Variants in MBNL2 observed in about 807,000 individuals in gnomAD.
MBNL2 encodes muscleblind-like protein 2.
A neutral mutation model predicts 41.9 loss-of-function variants in MBNL2; 17 were observed. That is an observed-to-expected ratio of 0.41 (90% CI 0.28 to 0.61). The LOEUF is 0.61. Among genes scored for constraint, MBNL2 ranks in the 20% least tolerant of loss-of-function variants. The probability of loss-of-function intolerance (pLI) is 0.35; values close to 1 mark genes in which losing one functional copy is unlikely to be tolerated. For missense variants in MBNL2, 336 were observed against 505.6 expected (o/e 0.66, Z 3.22); for synonymous variants, 195 against 182.9 (o/e 1.07, Z -0.53).
chr13:97,305,675 G>T (rs544657472), intron 2 of MBNL2, among the ~76,000 whole-genome samples: 2 of 152,190 alleles, frequency 1.3e-5, no homozygotes, highest in Admixed American at 1.3e-4. Flanking sequence ...TGAGGTAGGA[G>T]GATCCATTAC....
chr13:97,279,803 G>T (rs2052987837), intron 2 of MBNL2, among the ~76,000 whole-genome samples: 1 of 152,158 alleles, frequency 6.6e-6, no homozygotes, highest in African/African-American at 2.4e-5. Context: ...TACTAAATTT[G>T]TTGGTGGAAA....
the MBNL2 span, among the ~76,000 whole-genome samples, chr13:97,201,609 A>G: frequency 5.9e-5 from 9 of 151,982 alleles, no homozygotes; most frequent in Admixed American, 5.9e-4. Context: ...ACTTTTATCT[A>G]TTCATTATAA....
chr13:97,277,654 G>C (rs1238351499), intron 2 of MBNL2, among the ~76,000 whole-genome samples: 1 of 152,040 alleles, frequency 6.6e-6, no homozygotes, highest in Non-Finnish European at 1.5e-5. Flanking sequence ...ACTCAAAGCA[G>C]GAAAATGTAT....
At chr13:97,385,924 T>C (rs1279080471) in intron 8 of MBNL2, among the ~76,000 whole-genome samples, 1 of 152,230 alleles carries the variant, frequency 6.6e-6, no homozygotes. Context: ...ACCAAGTGTG[T>C]TTCTCACCCT....
At chr13:97,338,775 T>C (rs1305311458) in intron 3 of MBNL2, among the ~76,000 whole-genome samples, 1 of 152,228 alleles carries the variant, frequency 6.6e-6, no homozygotes, top group Non-Finnish European at 1.5e-5. Context: ...GAGCTGCTTC[T>C]GGCAGTAGAG....
chr13:97,248,202 G>A (rs150238457), intron 1 of MBNL2, among the ~76,000 whole-genome samples: 1,669 of 152,232 alleles, frequency 0.011, 37 homozygotes, highest in African/African-American at 0.037. Flanking sequence ...GTGCGATCTC[G>A]CCTCCACCTC....
intron 2 of MBNL2, among the ~76,000 whole-genome samples, chr13:97,300,982 T>C (rs2057562365): frequency 6.6e-6 from 1 of 152,230 alleles, no homozygotes; most frequent in African/African-American, 2.4e-5. Flanking sequence ...GAAACATCTG[T>C]TGAATTAGCC....
In MBNL2 at chr13:97,369,407, G is replaced by A. The variant is rs561657981; in HGVS notation, c.1048+4236G>A. ...CAAAGGTTCAGTGACTATTATTTTA[G>A]GCCCAAAGCATGAGATTACAAAGAT... is the stretch of plus-strand genomic sequence containing the variant. On this transcript the variant is annotated intron_variant, in intron 8 of 8. Coordinates refer to ENST00000679496, the MANE Select transcript of MBNL2 (RefSeq NM_001382683.1). 2.0e-5 allele frequency among the ~76,000 whole-genome samples: 3 copies of A among 152,192 alleles called. No individual in the cohort carries two copies. The South Asian group carries it at 6.2e-4, about 32-fold the overall frequency.
intron 2 of MBNL2, among the ~76,000 whole-genome samples, chr13:97,285,150 T>C (rs1018557926): frequency 6.6e-6 from 1 of 152,170 alleles, no homozygotes; most frequent in Non-Finnish European, 1.5e-5. Context: ...TTTTAAAAAA[T>C]GACACAATAG....
intron 2 of MBNL2, among the ~76,000 whole-genome samples, chr13:97,311,034 G>A (rs2058561304): frequency 6.6e-6 from 1 of 152,174 alleles, no homozygotes; most frequent in African/African-American, 2.4e-5. Context: ...AGAATAGGCA[G>A]ATTCAAGACA....
intron 1 of MBNL2, among the ~76,000 whole-genome samples, chr13:97,226,566 T>C (rs561208788): frequency 6.6e-6 from 1 of 152,246 alleles, no homozygotes; most frequent in South Asian, 2.1e-4. Context: ...AATATTAATT[T>C]AGCATTGTTA....
the MBNL2 span, among the ~76,000 whole-genome samples, chr13:97,143,416 C>A: frequency 1.3e-5 from 2 of 152,292 alleles, no homozygotes; most frequent in Non-Finnish European, 1.5e-5. Flanking sequence ...TCCCCAAACC[C>A]CTGTGCCGTT....
rs1012180819 is a variant in MBNL2 at position 97,321,793 on chromosome 13, C to T, written c.175-12483C>T. On this transcript the variant is annotated intron_variant, in intron 2 of 8. Transcript: ENST00000679496. ...TAAAAGCAGCTCTGGGTAGTGCTGA[C>T]GGCACAGAGTCCCAGGCCAGCCAGC... Among the ~76,000 whole-genome samples the T allele has an allele frequency of 7.2e-5, 11 of 152,168 alleles. 1 individual carries two copies. The highest frequency in any genetic ancestry group is 2.4e-5 in the African/African-American group (1 of 41,428).
At chr13:97,224,205 C>G (rs982141667) in intron 1 of MBNL2, among the ~76,000 whole-genome samples, 4 of 152,318 alleles carry the variant, frequency 2.6e-5, no homozygotes, top group African/African-American at 9.6e-5. Flanking sequence ...GGATGGTCCC[C>G]GGGGCCCTAT....
upstream of MBNL2, among the ~76,000 whole-genome samples, chr13:97,218,440 C>CAAACCAAAAA (rs1555302256): frequency 4.2e-5 from 5 of 117,974 alleles, no homozygotes; most frequent in African/African-American, 1.0e-4. Context: ...CAAAACAAAA[C>CAAACCAAAAA]AAAAAAAAAA....
the MBNL2 span, among the ~76,000 whole-genome samples, chr13:97,160,360 A>G: frequency 3.9e-5 from 6 of 152,188 alleles, no homozygotes; most frequent in Non-Finnish European, 8.8e-5. Flanking sequence ...GCTTTTGCTG[A>G]AAGGAATTTT....
At position 97,251,174 on chromosome 13, in the gene MBNL2, GTGAGATCTAGTA is replaced by G. The variant is rs145667795; in HGVS notation, c.-604-24455_-604-24444del. ...ACAAAAATATGGTAATGTAGAATGCGTGAGATCTAGTATGTGATAGCACAACAGGGTTACTAC... is the reference window on the plus strand; with the variant it reads ...ACAAAAATATGGTAATGTAGAATGCGTGTGATAGCACAACAGGGTTACTAC... On this transcript the variant is annotated intron_variant, in intron 1 of 8. Coordinates refer to ENST00000679496, the MANE Select transcript of MBNL2 (RefSeq NM_001382683.1). Among the ~76,000 whole-genome samples, 1,257 of 149,848 alleles carry G rather than the reference GTGAGATCTAGTA, an allele frequency of 8.4e-3. 17 individuals are homozygous for G. The highest frequency in any genetic ancestry group is 0.03 in the African/African-American group (1,199 of 40,570).
At chr13:97,172,022 A>G in the MBNL2 span, among the ~76,000 whole-genome samples, 1 of 152,100 alleles carries the variant, frequency 6.6e-6, no homozygotes, top group Non-Finnish European at 1.5e-5. Context: ...CTTTTTCCTT[A>G]TAAATTATCC....
intron 5 of MBNL2, among the ~76,000 whole-genome samples, chr13:97,347,878 A>T (rs2062033524): frequency 6.6e-6 from 1 of 152,156 alleles, no homozygotes; most frequent in South Asian, 2.1e-4. Flanking sequence ...ACCTCAGGGA[A>T]TCAGAATTTA....
Sources: gnomAD v4.1 joint callset for allele counts (sites outside exome capture counted in the v4.1 genomes callset) on GRCh38, gnomAD v4.1.1 for gene constraint, MANE v1.5 for transcripts, NCBI Gene and HGNC (gene_info 2026-07-23, HGNC 2026-07-21) for gene names.